Variants in RIPK1 observed in about 807,000 individuals in gnomAD.
The protein encoded by RIPK1 is receptor-interacting serine/threonine-protein kinase 1.
RIPK1 carries 27 observed loss-of-function variants against 62.4 expected under a neutral mutation model. The ratio of observed to expected loss-of-function variants is 0.43; its 90% CI spans 0.32 to 0.60. The LOEUF (loss-of-function observed/expected upper bound fraction) is 0.60, where lower values mean the gene tolerates loss of function less well. Ranked by LOEUF, RIPK1 falls within the 20% of genes least tolerant of loss-of-function variation. RIPK1 has a pLI of 0.07. For missense variants in RIPK1, 735 were observed against 831.0 expected (o/e 0.88, Z 1.42); for synonymous variants, 287 against 303.2 (o/e 0.95, Z 0.55).
rs1231573225 is a variant in RIPK1 at position 3,071,267 on chromosome 6, T to C, written c.-61+2606T>C. 2.6e-5 allele frequency among the ~76,000 whole-genome samples: 4 copies of C among 152,296 alleles called. 1 individual carries two copies. Among genetic ancestry groups the C allele is most frequent in the Middle Eastern group, 6.8e-3 (2 of 294 alleles). ...ATTCTCTTGTTATGTGTGGTCATCA[T>C]AGAAAAATGGGGAAAAAGTTAATTA... On this transcript the variant is annotated intron_variant, in intron 1 of 10. Coordinates refer to ENST00000259808, the MANE Select transcript of RIPK1 (RefSeq NM_001354930.2).
chr6:3,108,775 G>A (rs1307988430), intron 9 of RIPK1, among the ~76,000 whole-genome samples: 10 of 152,100 alleles, frequency 6.6e-5, no homozygotes, highest in African/African-American at 1.9e-4. Context: ...GCAGCTTCAC[G>A]AACACCCTGA....
Position 3,072,898 on chromosome 6 carries a change from A to G in RIPK1, c.-60-3866A>G, listed in dbSNP as rs1298223711. On this transcript the variant is annotated intron_variant, in intron 1 of 10. Coordinates refer to ENST00000259808, the MANE Select transcript of RIPK1 (RefSeq NM_001354930.2). The surrounding 1 kb of genome is among the most constrained non-coding windows in gnomAD (Gnocchi z 5.6). ...AGGCCTAAAATCAATGTTATCTTTTATGCCCTCTGTCTCCACCCGCTCCTA... is the reference window on the plus strand; with the variant it reads ...AGGCCTAAAATCAATGTTATCTTTTGTGCCCTCTGTCTCCACCCGCTCCTA... Among the ~76,000 whole-genome samples the G allele has an allele frequency of 6.8e-6, 1 of 146,060 alleles. No individual in the cohort carries two copies. Among genetic ancestry groups the G allele is most frequent in the Non-Finnish European group, 1.5e-5 (1 of 68,024 alleles).
In RIPK1 at chr6:3,114,034, G is replaced by A. The variant is rs116380813; in HGVS notation, c.*695G>A. The A allele has an allele frequency of 2.6e-5, 4 of 152,146 alleles. No homozygotes were observed. The South Asian group carries it at 6.2e-4, about 24-fold the overall frequency. The allele number at this position is 152,146 out of a possible 1,614,324, so 9.4% of individuals were successfully genotyped here. On this transcript the variant is annotated 3_prime_UTR_variant, in exon 11 of 11. Coordinates refer to ENST00000259808, the MANE Select transcript of RIPK1 (RefSeq NM_001354930.2). This position sits in a 1 kb window ranked among gnomAD's most constrained non-coding sequence, Gnocchi z 5.0. ...ATTAAATTATCGATTATTTTTTAAT[G>A]AATTGAATTTATATTGAGTCTTCAA...
At chr6:3,075,573 G>A (rs147499683) in intron 1 of RIPK1, among the ~76,000 whole-genome samples, 17 of 152,258 alleles carry the variant, frequency 1.1e-4, no homozygotes, top group African/African-American at 4.1e-4. Flanking sequence ...GCTTACTAGT[G>A]CTGCTTGCTG....
At chr6:3,067,404 G>T (rs1235090961), upstream of RIPK1, among the ~76,000 whole-genome samples, 3 of 152,050 alleles carry the variant, frequency 2.0e-5, no homozygotes, top group Admixed American at 1.3e-4. Flanking sequence ...ATCAACATTT[G>T]TTGTTGTCAG....
At chr6:3,109,118 G>A (rs995144619) in intron 9 of RIPK1, among the ~76,000 whole-genome samples, 7 of 152,178 alleles carry the variant, frequency 4.6e-5, no homozygotes, top group African/African-American at 1.4e-4. Context: ...CCAGGCTAGC[G>A]AGTGTAAGGA....
At chr6:3,104,884 GTC>G (rs17513506) in intron 8 of RIPK1, among the ~76,000 whole-genome samples, 87 of 152,014 alleles carry the variant, frequency 5.7e-4, no homozygotes, top group African/African-American at 2.0e-3. Context: ...TGGAGACAGA[GTC>G]TGTCACCCCG....
chr6:3,067,271 G>GT (rs1469329672), upstream of RIPK1, among the ~76,000 whole-genome samples: 1 of 152,026 alleles, frequency 6.6e-6, no homozygotes, highest in East Asian at 1.9e-4. Context: ...ATACCAAGGT[G>GT]TGGAGTTGCT....
At chr6:3,068,325 T>A (rs1256778354), upstream of RIPK1, 25 of 985,398 alleles carry the variant, frequency 2.5e-5, no homozygotes, top group South Asian at 1.0e-3. Context: ...GGTTTCCTCT[T>A]TTACGTAGGC....
chr6:3,094,278 A>C (rs1446741134), intron 7 of RIPK1, among the ~76,000 whole-genome samples: 1 of 152,236 alleles, frequency 6.6e-6, no homozygotes, highest in Non-Finnish European at 1.5e-5. Flanking sequence ...GAGCATTTTC[A>C]AAAACTGACC....
At chr6:3,112,767 G>A (rs558566573) in intron 10 of RIPK1, among the ~76,000 whole-genome samples, 16 of 152,068 alleles carry the variant, frequency 1.1e-4, no homozygotes, top group Admixed American at 9.8e-4. Context: ...TAGAACTCCC[G>A]GGTTCAAGTG....
At chr6:3,095,347 C>T (rs1299181514) in intron 7 of RIPK1, among the ~76,000 whole-genome samples, 1 of 152,080 alleles carries the variant, frequency 6.6e-6, no homozygotes, top group East Asian at 1.9e-4. Flanking sequence ...CCACAGAGAG[C>T]TTCATCAATG....
intron 5 of RIPK1, among the ~76,000 whole-genome samples, chr6:3,084,835 G>A (rs558147132): frequency 6.6e-6 from 1 of 152,026 alleles, no homozygotes; most frequent in African/African-American, 2.4e-5. Flanking sequence ...GTCATGATCC[G>A]CCTGTCTCAA....
Position 3,105,685 on chromosome 6 carries a change from G to T in RIPK1, c.1210G>T (p.Ala404Ser), listed in dbSNP as rs34872409. The T allele has an allele frequency of 1.4e-5, 22 of 1,614,052 alleles. No homozygotes were observed. In the East Asian group the frequency reaches 4.9e-4, roughly 36 times the overall value. ...GAAACAGCAGCCCAGACAGAATGTG[G>T]CTTACAACAGAGAGGAGGAAAGGAG... ...QTKQQPRQNV[A>S]YNREEERRRR... Residue 404 changes from alanine to serine, a missense_variant, in exon 9 of 11, where the codon GCT becomes TCT. This residue lies in a region of RIPK1 where 671 missense variants were observed against 726.2 expected (regional missense o/e 0.92). Coordinates refer to ENST00000259808, the MANE Select transcript of RIPK1 (RefSeq NM_001354930.2). This position sits in a 1 kb window ranked among gnomAD's most constrained non-coding sequence, Gnocchi z 4.5.
In RIPK1 at chr6:3,113,673, T is replaced by G; in HGVS notation, c.*334T>G. ...TAAGCAGGAAGACCTCTTAATGGCA[T>G]AGCACCAATAAAAAAATGACTCCTA... On this transcript the variant is annotated 3_prime_UTR_variant, in exon 11 of 11. Coordinates refer to ENST00000259808, the MANE Select transcript of RIPK1 (RefSeq NM_001354930.2). This position sits in a 1 kb window ranked among gnomAD's most constrained non-coding sequence, Gnocchi z 5.0. 1 of 207,542 alleles carries G rather than the reference T, an allele frequency of 4.8e-6. No homozygotes were observed. Among genetic ancestry groups the G allele is most frequent in the Non-Finnish European group, 9.7e-6 (1 of 103,564 alleles). The allele number at this position is 207,542 out of a possible 1,614,324, so 12.9% of individuals were successfully genotyped here.
chr6:3,076,724 A>ATATATATATATATATATG (rs1759078373), intron 1 of RIPK1, 40 bp from the exon 2 acceptor site: 3 of 622,638 alleles, frequency 4.8e-6, no homozygotes, highest in Non-Finnish European at 7.5e-6. Flanking sequence ...ATATATATAT[A>ATATATATATATATATATG]TAGTCTTGCC....
In RIPK1 at chr6:3,095,338, C is replaced by T. The variant is rs374281352; in HGVS notation, c.915+5681C>T. ...AGAAAACTTCCTATAGAGAAAACCC[C>T]ACAGAGAGCTTCATCAATGATTTCT... is the stretch of plus-strand genomic sequence containing the variant. On this transcript the variant is annotated intron_variant, in intron 7 of 10. Transcript: ENST00000259808. 3.0e-3 allele frequency among the ~76,000 whole-genome samples: 462 copies of T among 152,168 alleles called. 2 individuals are homozygous for T. Among genetic ancestry groups the T allele is most frequent in the South Asian group, 0.018 (88 of 4,800 alleles).
chr6:3,067,804 G>A (rs1377141131), upstream of RIPK1, among the ~76,000 whole-genome samples: 2 of 151,560 alleles, frequency 1.3e-5, no homozygotes, highest in Admixed American at 6.6e-5. Context: ...GTGCAGTGGC[G>A]CGATCTCGGC....
At chr6:3,100,654 A>G (rs1361774012) in intron 7 of RIPK1, among the ~76,000 whole-genome samples, 3 of 151,780 alleles carry the variant, frequency 2.0e-5, no homozygotes, top group Admixed American at 2.0e-4. Context: ...GCAGTGACAC[A>G]ATCTGGGCTC....
Sources: gnomAD v4.1 joint callset for allele counts (sites outside exome capture counted in the v4.1 genomes callset) on GRCh38, gnomAD v4.1.1 for gene constraint, gnomAD v4.1.1 regional missense constraint, Gnocchi (gnomAD v3.1) non-coding constraint, MANE v1.5 for transcripts, NCBI Gene and HGNC (gene_info 2026-07-23, HGNC 2026-07-21) for gene names.